ATOSA: variants seen among roughly 807,000 people sequenced by gnomAD.
ATOSA encodes atos homolog A.
At chr15:52,619,743 A>T in the ATOSA span, among the ~76,000 whole-genome samples, 234 of 152,110 alleles carry the variant, frequency 1.5e-3, 3 homozygotes, top group South Asian at 0.011. Context: ...GAGATGGGAG[A>T]TCACTTGAAC....
At chr15:52,590,152 A>T in the ATOSA span, among the ~76,000 whole-genome samples, 3 of 152,196 alleles carry the variant, frequency 2.0e-5, no homozygotes, top group Non-Finnish European at 4.4e-5. Flanking sequence ...TCTTATACAA[A>T]AATTGCTCAG....
At chr15:52,585,740 C>G in the ATOSA span, among the ~76,000 whole-genome samples, 1 of 152,132 alleles carries the variant, frequency 6.6e-6, no homozygotes, top group Non-Finnish European at 1.5e-5. Flanking sequence ...TTAAAGTACT[C>G]GTTTTGAAAC....
the ATOSA span, chr15:52,656,495 G>T: frequency 6.6e-6 from 1 of 152,032 alleles, no homozygotes; most frequent in Non-Finnish European, 1.5e-5. Flanking sequence ...AAATTAAAAT[G>T]CTAAAAAGTA....
At chr15:52,611,126 A>T in the ATOSA span, 5 of 1,611,256 alleles carry the variant, frequency 3.1e-6, no homozygotes, top group Non-Finnish European at 3.4e-6. Context: ...GGCCCTAGAC[A>T]TACCTGTAGA....
the ATOSA span, among the ~76,000 whole-genome samples, chr15:52,702,938 C>T: frequency 1.8e-4 from 28 of 152,246 alleles, no homozygotes; most frequent in South Asian, 5.8e-3. Flanking sequence ...CACATGTCCA[C>T]ACAACGACTT....
chr15:52,648,434 T>C, the ATOSA span, among the ~76,000 whole-genome samples: 1 of 152,132 alleles, frequency 6.6e-6, no homozygotes, highest in Non-Finnish European at 1.5e-5. Context: ...AACTGGAATA[T>C]CCATCACCAC....
At chr15:52,672,340 C>G in the ATOSA span, among the ~76,000 whole-genome samples, 24 of 151,732 alleles carry the variant, frequency 1.6e-4, no homozygotes, top group African/African-American at 5.8e-4. Context: ...CACAGTAAGA[C>G]CCCATCCCAT....
At chr15:52,696,387 A>G in the ATOSA span, among the ~76,000 whole-genome samples, 1 of 152,130 alleles carries the variant, frequency 6.6e-6, no homozygotes, top group South Asian at 2.1e-4. Flanking sequence ...TATCTGGATC[A>G]TTGAAACAGC....
chr15:52,670,455 C>T, the ATOSA span, among the ~76,000 whole-genome samples: 5 of 152,056 alleles, frequency 3.3e-5, no homozygotes, highest in African/African-American at 9.7e-5. Flanking sequence ...TGGTAAGTTC[C>T]GAAGTTAGAA....
chr15:52,632,569 G>A, the ATOSA span, among the ~76,000 whole-genome samples: 1 of 152,082 alleles, frequency 6.6e-6, no homozygotes, highest in Non-Finnish European at 1.5e-5. Context: ...GAGGAAAAAG[G>A]ACTCTGCCCT....
At chr15:52,609,077 T>C in the ATOSA span, 29 of 1,613,368 alleles carry the variant, frequency 1.8e-5, no homozygotes, top group Non-Finnish European at 2.4e-5. Flanking sequence ...TGAGACAAAA[T>C]TGAGGAAGTT....
chr15:52,651,959 A>C, the ATOSA span: 1 of 1,534,784 alleles, frequency 6.5e-7, no homozygotes, highest in East Asian at 2.4e-5. Context: ...TAGCTATACT[A>C]TCAGTAACTG....
the ATOSA span, among the ~76,000 whole-genome samples, chr15:52,631,568 G>C: frequency 6.6e-6 from 1 of 152,154 alleles, no homozygotes; most frequent in Non-Finnish European, 1.5e-5. Flanking sequence ...CTACGCCTAT[G>C]TGTTATGGCA....
the ATOSA span, among the ~76,000 whole-genome samples, chr15:52,665,988 A>G: frequency 1.3e-5 from 2 of 152,196 alleles, no homozygotes; most frequent in Non-Finnish European, 2.9e-5. Flanking sequence ...AAAATATACT[A>G]TTAATATGTA....
chr15:52,669,825 T>C, the ATOSA span, among the ~76,000 whole-genome samples: 2 of 152,210 alleles, frequency 1.3e-5, no homozygotes, highest in Non-Finnish European at 2.9e-5. Context: ...TGCAGCATCA[T>C]GGAACAAATC....
the ATOSA span, chr15:52,581,841 C>G: frequency 9.5e-6 from 2 of 211,394 alleles, no homozygotes; most frequent in African/African-American, 4.6e-5. Context: ...AGACAAACAT[C>G]ACTTGAGTAT....
At chr15:52,644,794 T>C in the ATOSA span, among the ~76,000 whole-genome samples, 1 of 152,104 alleles carries the variant, frequency 6.6e-6, no homozygotes, top group Non-Finnish European at 1.5e-5. Context: ...GGGCAAAAAT[T>C]GTCAAAAATA....
chr15:52,670,140 T>C, the ATOSA span, among the ~76,000 whole-genome samples: 2 of 152,248 alleles, frequency 1.3e-5, no homozygotes, highest in Non-Finnish European at 2.9e-5. Context: ...TCTATGTTAT[T>C]GTATATTTCA....
At chr15:52,591,294 G>A in the ATOSA span, among the ~76,000 whole-genome samples, 7 of 152,154 alleles carry the variant, frequency 4.6e-5, no homozygotes, top group African/African-American at 7.2e-5. Context: ...GCAATGACGC[G>A]ATCTCGGCTC....
Sources: allele counts gnomAD v4.1 joint callset (sites outside exome capture counted in the v4.1 genomes callset), GRCh38; gene constraint gnomAD v4.1.1; transcripts MANE v1.5; gene names NCBI Gene and HGNC (gene_info 2026-07-23, HGNC 2026-07-21).